Variants in TTC34 observed in about 807,000 individuals in gnomAD.
The protein encoded by TTC34 is tetratricopeptide repeat domain 34.
Under a neutral mutation model 40.7 loss-of-function variants are expected in TTC34, and 44 were observed. The observed-to-expected ratio is 1.08, with a 90% CI of 0.85 to 1.39. TTC34 has a LOEUF of 1.39. Ranked by LOEUF, TTC34 falls within the 40% of genes most tolerant of loss-of-function variation. TTC34 has a pLI of 0.00. For synonymous variants in TTC34, 422 were observed against 398.6 expected (o/e 1.06, Z -0.70); for missense variants, 884 against 838.0 (o/e 1.05, Z -0.68).
At chr1:2,690,537 C>T (rs1220821975) in intron 6 of TTC34, among the ~76,000 whole-genome samples, 1 of 142,844 alleles carries the variant, frequency 7.0e-6, no homozygotes, top group East Asian at 2.2e-4. Flanking sequence ...GCAGCACCCA[C>T]ACCCCCAGGG....
intron 6 of TTC34, among the ~76,000 whole-genome samples, chr1:2,653,029 C>A (rs1195086231): frequency 1.5e-4 from 23 of 152,192 alleles, no homozygotes; most frequent in African/African-American, 5.1e-4. Flanking sequence ...ATCTGACAAC[C>A]TGGAGCAGCA....
intron 6 of TTC34, among the ~76,000 whole-genome samples, chr1:2,675,122 C>A (rs201047395): frequency 2.2e-4 from 1 of 4,634 alleles, no homozygotes. Context: ...TGCCCACACC[C>A]CCAGGTGAGA....
At chr1:2,693,254 CA>C (rs1640709276) in intron 6 of TTC34, among the ~76,000 whole-genome samples, 3 of 138,510 alleles carry the variant, frequency 2.2e-5, no homozygotes, top group African/African-American at 8.3e-5. Flanking sequence ...CAGCCTGGAA[CA>C]GAACCCACAC....
intron 2 of TTC34, among the ~76,000 whole-genome samples, chr1:2,794,527 A>T (rs1464456950): frequency 1.3e-5 from 2 of 152,166 alleles, no homozygotes; most frequent in Non-Finnish European, 2.9e-5. Flanking sequence ...TTCTATATAC[A>T]TAGCTAATCA....
At chr1:2,657,303 C>T (rs1385963576) in intron 6 of TTC34, among the ~76,000 whole-genome samples, 1 of 122,668 alleles carries the variant, frequency 8.2e-6, no homozygotes, top group East Asian at 2.3e-4. Flanking sequence ...GCCCAAACAC[C>T]CAGGTGAGCA....
chr1:2,675,349 A>G (rs1358320865), intron 6 of TTC34, among the ~76,000 whole-genome samples: 23 of 96,938 alleles, frequency 2.4e-4, no homozygotes, highest in African/African-American at 5.9e-4. Context: ...ACAGACTGGA[A>G]CAGCACCCAC....
chr1:2,800,629 G>A (rs1056442223), exon 2 of TTC34: 9 of 398,412 alleles, frequency 2.3e-5, no homozygotes, highest in South Asian at 2.5e-4. Flanking sequence ...CTGTCCCCGC[G>A]GCACCAGGAC....
At chr1:2,692,489 GAAC>G (rs1640667723) in intron 6 of TTC34, among the ~76,000 whole-genome samples, 4 of 127,546 alleles carry the variant, frequency 3.1e-5, no homozygotes, top group Non-Finnish European at 5.2e-5. Context: ...TGACAGCCTG[GAAC>G]AGCAGCCTGC....
rs1406265008 is a variant in TTC34, at chr1:2,684,979, C to T, written c.2227-39416G>A. On this transcript the variant is annotated intron_variant, in intron 6 of 8. Coordinates refer to ENST00000401095, the Ensembl canonical transcript of TTC34. ...ACACCCCCAGACGAGCATCTGACAG[C>T]TTAGAACAGCACCCATACCCCCAGG... 2.1e-5 allele frequency among the ~76,000 whole-genome samples: 3 copies of T among 143,436 alleles called. 1 individual carries two copies. The allele number at this position is 143,436 out of a possible 152,430, so 94.1% of individuals were successfully genotyped here.
At position 2,787,555 on chromosome 1, in the gene TTC34, G is replaced by GCCTCC. The variant is rs1161827136; in HGVS notation, c.1775_1779dup (p.Pro594GlyfsTer17). On this transcript the variant is annotated frameshift_variant, in exon 4 of 9. Transcript: ENST00000401095. LOFTEE classifies it high-confidence loss of function. ...CGTGCCAGCACAGGGGCTGCCTGGG[G>GCCTCC]CCTCCGGGATAGGGCCACCAGCAGG... The GCCTCC allele has an allele frequency of 9.1e-6, 14 of 1,543,122 alleles. No individual in the cohort carries two copies. In the South Asian group the frequency reaches 1.6e-4, roughly 17 times the overall value.
intron 6 of TTC34, among the ~76,000 whole-genome samples, chr1:2,688,390 G>T (rs1304071788): frequency 6.6e-6 from 1 of 151,854 alleles, no homozygotes; most frequent in African/African-American, 2.4e-5. Context: ...GCATCTGACA[G>T]CCTGGAACAG....
intron 6 of TTC34, among the ~76,000 whole-genome samples, chr1:2,681,748 C>T: frequency 8.3e-6 from 1 of 120,036 alleles, no homozygotes; most frequent in Admixed American, 8.2e-5. Context: ...CCCACGGCCA[C>T]AGGCGAGCAT....
chr1:2,758,088 G>T (rs1227789948), intron 6 of TTC34, among the ~76,000 whole-genome samples: 230 of 56,534 alleles, frequency 4.1e-3, no homozygotes, highest in African/African-American at 9.4e-3. Flanking sequence ...AGGTGCGCAC[G>T]TGACAGCGTG....
At chr1:2,652,134 A>C (rs112393160) in intron 6 of TTC34, among the ~76,000 whole-genome samples, 1 of 125,354 alleles carries the variant, frequency 8.0e-6, no homozygotes, top group Admixed American at 7.9e-5. Flanking sequence ...CCCCCAGGTG[A>C]GCATCCGACA....
intron 6 of TTC34, among the ~76,000 whole-genome samples, chr1:2,652,564 C>G (rs796987155): frequency 2.2e-5 from 3 of 136,624 alleles, no homozygotes; most frequent in African/African-American, 8.7e-5. Flanking sequence ...AGCACCCACA[C>G]CCCCAGGTGA....
At chr1:2,651,146 C>T (rs1019136342) in intron 6 of TTC34, among the ~76,000 whole-genome samples, 2 of 151,968 alleles carry the variant, frequency 1.3e-5, no homozygotes, top group Admixed American at 6.6e-5. Flanking sequence ...GGACAGTACC[C>T]TCCAGCACCA....
chr1:2,751,940 A>G (rs1321661236), intron 6 of TTC34, among the ~76,000 whole-genome samples: 355 of 12,826 alleles, frequency 0.028, no homozygotes, highest in East Asian at 0.083. Context: ...CCACAGGTGA[A>G]CATCGGAGAG....
chr1:2,782,508 T>TTTTC (rs1366551013), intron 6 of TTC34, among the ~76,000 whole-genome samples: 17 of 151,258 alleles, frequency 1.1e-4, no homozygotes, highest in African/African-American at 1.9e-4. Flanking sequence ...TGTAATCTTT[T>TTTTC]TCTCTCTCTC....
At chr1:2,700,187 C>G (rs150868602) in intron 6 of TTC34, among the ~76,000 whole-genome samples, 2 of 91,764 alleles carry the variant, frequency 2.2e-5, no homozygotes, top group African/African-American at 3.2e-5. Context: ...GGTGAGCATC[C>G]GACAGCCTGG....
Sources: allele counts gnomAD v4.1 joint callset (sites outside exome capture counted in the v4.1 genomes callset), GRCh38; gene constraint gnomAD v4.1.1; transcripts MANE v1.5; gene names NCBI Gene and HGNC (gene_info 2026-07-23, HGNC 2026-07-21).